EDIL3: variants seen among roughly 807,000 people sequenced by gnomAD.
EDIL3 encodes the protein EGF-like repeat and discoidin I-like domain-containing protein 3.
In EDIL3, 37 loss-of-function variants were observed where a neutral mutation model predicts 67.4. The ratio of observed to expected loss-of-function variants is 0.55; its 90% CI spans 0.42 to 0.72. The LOEUF is 0.72. Ranked by LOEUF, EDIL3 falls within the 30% of genes least tolerant of loss-of-function variation. The pLI is 0.00. For synonymous variants in EDIL3, 195 were observed against 196.3 expected (o/e 0.99, Z 0.05); for missense variants, 527 against 586.3 (o/e 0.90, Z 1.04).
intron 10 of EDIL3, among the ~76,000 whole-genome samples, chr5:83,950,415 T>C (rs1279542264): frequency 6.6e-6 from 1 of 151,824 alleles, no homozygotes; most frequent in Non-Finnish European, 1.5e-5. Flanking sequence ...GTCTGAAACA[T>C]TGACAGTTGG....
intron 3 of EDIL3, among the ~76,000 whole-genome samples, chr5:84,185,766 A>G (rs142529703): frequency 1.3e-5 from 2 of 152,250 alleles, no homozygotes; most frequent in African/African-American, 4.8e-5. Flanking sequence ...CTTCAAATGT[A>G]TTACACTGAA....
Position 84,093,865 on chromosome 5 carries a change from G to T in EDIL3, c.651+12784C>A, listed in dbSNP as rs543540940. 3.2e-3 allele frequency among the ~76,000 whole-genome samples: 489 copies of T among 151,872 alleles called. 4 individuals are homozygous for T. Among genetic ancestry groups the T allele is most frequent in the African/African-American group, 0.011 (462 of 41,410 alleles). ...AGTAGAGACGGGGTTTCACCATATT[G>T]GCCAGGCTGGACTTGAGCTCCCAAC... On this transcript the variant is annotated intron_variant, in intron 6 of 10. Transcript: ENST00000296591.
At chr5:84,247,460 A>T (rs781192969) in intron 2 of EDIL3, among the ~76,000 whole-genome samples, 4 of 152,168 alleles carry the variant, frequency 2.6e-5, no homozygotes, top group African/African-American at 9.6e-5. Context: ...TGAAAGATAA[A>T]CATGAATATG....
intron 1 of EDIL3, among the ~76,000 whole-genome samples, chr5:84,350,240 T>G (rs770502393): frequency 6.6e-6 from 1 of 152,150 alleles, no homozygotes; most frequent in Non-Finnish European, 1.5e-5. Context: ...CAATTTACAA[T>G]GCCTCCAGCA....
chr5:84,052,986 C>G (rs1252982135), intron 9 of EDIL3, among the ~76,000 whole-genome samples: 1 of 152,152 alleles, frequency 6.6e-6, no homozygotes, highest in Admixed American at 6.5e-5. Context: ...ACTCTCCACC[C>G]CAAATCAACA....
chr5:84,077,376 G>T (rs1189996235), intron 6 of EDIL3, among the ~76,000 whole-genome samples: 1 of 152,068 alleles, frequency 6.6e-6, no homozygotes, highest in Admixed American at 6.5e-5. Context: ...AATATACAAG[G>T]GTGTATGAGT....
At chr5:84,270,154 C>G (rs72776585) in intron 1 of EDIL3, among the ~76,000 whole-genome samples, 11,501 of 152,112 alleles carry the variant, frequency 0.076, 585 homozygotes, top group South Asian at 0.2. Context: ...ATTATATGCA[C>G]TGATTTTTTA....
chr5:84,082,916 T>C (rs1318808354), intron 6 of EDIL3, among the ~76,000 whole-genome samples: 1 of 151,912 alleles, frequency 6.6e-6, no homozygotes, highest in Non-Finnish European at 1.5e-5. Context: ...TAATATGTTG[T>C]CCAAAATCAG....
intron 3 of EDIL3, among the ~76,000 whole-genome samples, chr5:84,209,090 T>C (rs1449709343): frequency 4.6e-5 from 7 of 151,950 alleles, no homozygotes; most frequent in South Asian, 2.1e-4. Context: ...ATGGATGAAA[T>C]TGGAAATCAT....
intron 3 of EDIL3, among the ~76,000 whole-genome samples, chr5:84,219,237 ACAAGT>A (rs1225277451): frequency 2.0e-5 from 3 of 152,186 alleles, no homozygotes. Flanking sequence ...CCAAGACCAT[ACAAGT>A]CAATAATGAG....
At chr5:83,999,869 T>C (rs1029046170) in intron 9 of EDIL3, among the ~76,000 whole-genome samples, 1 of 151,718 alleles carries the variant, frequency 6.6e-6, no homozygotes, top group Non-Finnish European at 1.5e-5. Flanking sequence ...CAAAGGTCAA[T>C]GATAAAGAAA....
intron 1 of EDIL3, among the ~76,000 whole-genome samples, chr5:84,374,619 G>A (rs1202283392): frequency 6.6e-6 from 1 of 152,140 alleles, no homozygotes; most frequent in Non-Finnish European, 1.5e-5. Context: ...GATATGGTTT[G>A]GCTCTGGGTC....
chr5:84,076,004 T>C (rs1164080565), intron 6 of EDIL3, among the ~76,000 whole-genome samples: 2 of 148,602 alleles, frequency 1.3e-5, no homozygotes, highest in African/African-American at 2.5e-5. Flanking sequence ...TACTGACAAA[T>C]TAAAAATATA....
intron 1 of EDIL3, among the ~76,000 whole-genome samples, chr5:84,296,006 A>C (rs981129657): frequency 1.3e-5 from 2 of 152,188 alleles, no homozygotes; most frequent in African/African-American, 4.8e-5. Context: ...TCTAGCTTTG[A>C]TTTCTGCATT....
intron 3 of EDIL3, among the ~76,000 whole-genome samples, chr5:84,202,968 G>A (rs1034511577): frequency 3.9e-5 from 6 of 152,120 alleles, no homozygotes; most frequent in African/African-American, 9.7e-5. Flanking sequence ...ATATTATAGA[G>A]GAAACAGGCA....
chr5:84,004,157 G>A (rs757708239), intron 9 of EDIL3, among the ~76,000 whole-genome samples: 2 of 152,070 alleles, frequency 1.3e-5, no homozygotes, highest in Non-Finnish European at 2.9e-5. Flanking sequence ...CATAACACTG[G>A]AGTATCTTAA....
chr5:84,059,408 G>A (rs763082403), intron 9 of EDIL3, among the ~76,000 whole-genome samples: 1 of 152,048 alleles, frequency 6.6e-6, no homozygotes, highest in East Asian at 1.9e-4. Flanking sequence ...TCTCAAAAAA[G>A]GAGAGGAGTG....
At chr5:84,097,644 G>T (rs1349929089) in intron 6 of EDIL3, among the ~76,000 whole-genome samples, 1 of 152,026 alleles carries the variant, frequency 6.6e-6, no homozygotes, top group African/African-American at 2.4e-5. Flanking sequence ...ATAGAGTGTA[G>T]AGTACACATT....
intron 5 of EDIL3, among the ~76,000 whole-genome samples, chr5:84,110,220 C>G (rs1484630976): frequency 6.6e-6 from 1 of 152,162 alleles, no homozygotes; most frequent in Non-Finnish European, 1.5e-5. Flanking sequence ...ATTTATTTCA[C>G]TCTGCGAAGT....
Sources: allele counts gnomAD v4.1 joint callset (sites outside exome capture counted in the v4.1 genomes callset), GRCh38; gene constraint gnomAD v4.1.1; transcripts MANE v1.5; gene names NCBI Gene and HGNC (gene_info 2026-07-23, HGNC 2026-07-21).